Variants in DCX observed in about 807,000 individuals in gnomAD.
DCX encodes doublecortin.
DCX carries 4 observed loss-of-function variants against 20.9 expected under a neutral mutation model. That is an observed-to-expected ratio of 0.19 (90% CI 0.09 to 0.44). The LOEUF is 0.44. Among genes scored for constraint, DCX ranks in the 20% least tolerant of loss-of-function variants. The pLI, the probability that DCX is intolerant of heterozygous loss-of-function variation, is 0.99. For synonymous variants in DCX, 103 were observed against 111.4 expected, an observed-to-expected ratio of 0.92 and a Z score of 0.47; for missense variants, 133 against 296.9, an observed-to-expected ratio of 0.45 and a Z score of 4.06.
chrX:111,318,366 T>A, intron 5 of DCX, among the ~76,000 whole-genome samples: 1 of 103,650 alleles, frequency 9.6e-6, no homozygotes, highest in East Asian at 2.9e-4. Context: ...TAAAGTATAA[T>A]AATAATAATA....
intron 3 of DCX, among the ~76,000 whole-genome samples, chrX:111,335,744 G>C (rs1221567147): frequency 9.0e-6 from 1 of 111,669 alleles, no homozygotes; most frequent in East Asian, 2.8e-4. Flanking sequence ...TCAGGAGATT[G>C]AGACCATCCT....
At chrX:111,372,300 G>T (rs756827706) in intron 3 of DCX, among the ~76,000 whole-genome samples, 2 of 112,086 alleles carry the variant, frequency 1.8e-5, no homozygotes, top group South Asian at 7.6e-4. Flanking sequence ...CTGTGCTGCA[G>T]TCGCTCAAAC....
At chrX:111,317,656 T>G (rs2095075991) in intron 5 of DCX, among the ~76,000 whole-genome samples, 1 of 111,561 alleles carries the variant, frequency 9.0e-6, no homozygotes, top group Non-Finnish European at 1.9e-5. Context: ...TACTTGCAAA[T>G]TATGCATCTG....
At chrX:111,311,236 G>A (rs2095057013) in intron 6 of DCX, among the ~76,000 whole-genome samples, 1 of 111,821 alleles carries the variant, frequency 8.9e-6, no homozygotes, top group Non-Finnish European at 1.9e-5. Context: ...ATACTTCTTT[G>A]GTAAAATGAA....
At chrX:111,348,712 G>A (rs1307747874) in intron 3 of DCX, among the ~76,000 whole-genome samples, 2 of 110,473 alleles carry the variant, frequency 1.8e-5, no homozygotes, top group African/African-American at 6.6e-5. Context: ...CACAACTCTA[G>A]GTTCTGTTTA....
At chrX:111,322,358 T>C (rs1009405613) in intron 5 of DCX, among the ~76,000 whole-genome samples, 18 of 111,916 alleles carry the variant, frequency 1.6e-4, no homozygotes, top group Non-Finnish European at 5.6e-5. Flanking sequence ...GCACACCACA[T>C]ACCTCCCACT....
intron 3 of DCX, among the ~76,000 whole-genome samples, chrX:111,366,910 C>T (rs1363646788): frequency 1.8e-5 from 2 of 111,523 alleles, no homozygotes; most frequent in Admixed American, 9.6e-5. Flanking sequence ...GTATCACTAT[C>T]CATGCTTGTC....
intron 2 of DCX, among the ~76,000 whole-genome samples, chrX:111,407,317 C>G (rs1327367931): frequency 8.9e-6 from 1 of 111,745 alleles, no homozygotes; most frequent in Non-Finnish European, 1.9e-5. Flanking sequence ...AGACTAGAAC[C>G]CAATGACCCT....
chrX:111,383,278 C>T (rs779176982), intron 3 of DCX, among the ~76,000 whole-genome samples: 1 of 111,743 alleles, frequency 8.9e-6, no homozygotes, highest in South Asian at 3.8e-4. Flanking sequence ...GATTTATGTC[C>T]TTGTGCAAGA....
At chrX:111,309,656 G>A (rs906927358) in intron 6 of DCX, among the ~76,000 whole-genome samples, 5 of 111,680 alleles carry the variant, frequency 4.5e-5, no homozygotes, top group Non-Finnish European at 7.5e-5. Context: ...TCTAATCACA[G>A]AGAAACATCA....
At chrX:111,392,399 C>G (rs1927017485) in intron 3 of DCX, among the ~76,000 whole-genome samples, 1 of 111,095 alleles carries the variant, frequency 9.0e-6, no homozygotes, top group African/African-American at 3.3e-5. Context: ...CCCAAATGTT[C>G]ATCAACAAAT....
chrX:111,383,098 C>G (rs1408994818), intron 3 of DCX, among the ~76,000 whole-genome samples: 2 of 110,760 alleles, frequency 1.8e-5, no homozygotes, highest in African/African-American at 6.6e-5. Context: ...TGAGTGTAAG[C>G]CAAAGACTCC....
intron 2 of DCX, among the ~76,000 whole-genome samples, chrX:111,405,579 G>T (rs1389099143): frequency 2.7e-5 from 3 of 111,400 alleles, no homozygotes; most frequent in Non-Finnish European, 5.6e-5. Context: ...GTTCAGAAAA[G>T]CTGGCTAGTC....
chrX:111,322,304 C>T (rs2095088481), intron 5 of DCX, among the ~76,000 whole-genome samples: 1 of 111,346 alleles, frequency 9.0e-6, no homozygotes, highest in South Asian at 3.8e-4. Context: ...ATAGTGGCTT[C>T]TGGACTTGCT....
chrX:111,321,174 A>G (rs1234273219), intron 5 of DCX, among the ~76,000 whole-genome samples: 1 of 111,919 alleles, frequency 8.9e-6, no homozygotes, highest in South Asian at 3.7e-4. Flanking sequence ...GCTTTCTTTC[A>G]TTCACCGAAC....
At chrX:111,369,920 T>A (rs1375474181) in intron 3 of DCX, among the ~76,000 whole-genome samples, 1 of 111,668 alleles carries the variant, frequency 9.0e-6, no homozygotes, top group African/African-American at 3.3e-5. Flanking sequence ...ATAGGCAATT[T>A]GTCAATTGGT....
chrX:111,408,341 G>A (rs896202962), intron 2 of DCX, among the ~76,000 whole-genome samples: 1 of 111,060 alleles, frequency 9.0e-6, no homozygotes, highest in African/African-American at 3.3e-5. Context: ...GAAAGATCTC[G>A]GCCAGGCACA....
intron 6 of DCX, among the ~76,000 whole-genome samples, chrX:111,304,885 G>A (rs2095041571): frequency 9.0e-6 from 1 of 111,513 alleles, no homozygotes; most frequent in East Asian, 2.8e-4. Context: ...TAGAAAAGAA[G>A]CGAGATGGCC....
At chrX:111,315,822 C>T (rs1400143646) in intron 5 of DCX, among the ~76,000 whole-genome samples, 1 of 16,679 alleles carries the variant, frequency 6.0e-5, no homozygotes. Context: ...AGTAAACTAT[C>T]GCAAGAACAA....
Sources: allele counts gnomAD v4.1 joint callset (sites outside exome capture counted in the v4.1 genomes callset), GRCh38; gene constraint gnomAD v4.1.1; transcripts MANE v1.5; gene names NCBI Gene and HGNC (gene_info 2026-07-23, HGNC 2026-07-21).